LRRC66: variants seen among roughly 807,000 people sequenced by gnomAD.
LRRC66 encodes leucine-rich repeat-containing protein 66.
In LRRC66, 29 loss-of-function variants were observed where a neutral mutation model predicts 24.6. That is an observed-to-expected ratio of 1.18 (90% CI 0.88 to 1.61). The LOEUF (loss-of-function observed/expected upper bound fraction) is 1.61, where lower values mean the gene tolerates loss of function less well. Ranked by LOEUF, LRRC66 falls within the 40% of genes most tolerant of loss-of-function variation. The pLI is 0.00. For missense variants in LRRC66, 1,124 were observed against 1,058.0 expected, an observed-to-expected ratio of 1.06 and a Z score of -0.87; for synonymous variants, 411 against 397.6, an observed-to-expected ratio of 1.03 and a Z score of -0.40.
intron 1 of LRRC66, among the ~76,000 whole-genome samples, chr4:52,020,004 C>G (rs225162): frequency 0.58 from 87,270 of 151,706 alleles, 28,159 homozygotes; most frequent in Middle Eastern, 0.78. Context: ...AGGAACCACT[C>G]AGAACTCCAG....
Position 51,994,941 on chromosome 4 carries a change from T to C in LRRC66, c.2081A>G (p.Asp694Gly). The C allele has an allele frequency of 6.2e-7, 1 of 1,614,104 alleles. No homozygotes were observed. Among genetic ancestry groups the C allele is most frequent in the South Asian group, 1.1e-5 (1 of 91,082 alleles). ...KEPVQKSTPS[D>G]TCCELESDCD... Reference sequence around the variant, plus strand: ...GTCACTCTCCAACTCACAGCAAGTGTCAGAAGGAGTGGATTTCTGCACTGG... The same window carrying C: ...GTCACTCTCCAACTCACAGCAAGTGCCAGAAGGAGTGGATTTCTGCACTGG... The change falls in exon 5 of 5, where the codon GAC (aspartate) becomes GGC (glycine). Residue 694 changes from aspartate to glycine, a missense_variant. Transcript: ENST00000682860.
Position 51,995,260 on chromosome 4 carries a change from G to C in LRRC66, c.1762C>G (p.Leu588Val), listed in dbSNP as rs771545446. 3 of 1,614,192 alleles carry C rather than the reference G, an allele frequency of 1.9e-6. No individual in the cohort carries two copies. Among genetic ancestry groups the C allele is most frequent in the Non-Finnish European group, 2.5e-6 (3 of 1,180,036 alleles). Residue 588 changes from leucine to valine, a missense_variant, in exon 5 of 5, where the codon CTC (leucine) becomes GTC (valine). Leu to Val is a conservative substitution (Grantham distance 32). Coordinates refer to ENST00000682860, the MANE Select transcript of LRRC66 (RefSeq NM_001024611.3). ...PSLSGEITASLCKMLTHAEAQ... is the reference protein window; with the variant it reads ...PSLSGEITASVCKMLTHAEAQ... ...TCTGCATGTGTTAGCATTTTACAGA[G>C]GGAAGCTGTTATTTCTCCGGAGAGG...
At position 51,995,314 on chromosome 4, in the gene LRRC66, G is replaced by A; in HGVS notation, c.1708C>T (p.Arg570Cys). 1.9e-6 allele frequency: 3 copies of A among 1,614,152 alleles called. No individual in the cohort carries two copies. Among genetic ancestry groups the A allele is most frequent in the East Asian group, 4.5e-5 (2 of 44,870 alleles). ...GGGTCTAATTCATTGGAATCATAAC[G>A]GCTTGAGCCAGAGACAGCGTGAGAC... ...GTSHAVSGSS[R>C]YDSNELDPSL... The change falls in exon 5 of 5, where the codon CGT (arginine) becomes TGT (cysteine). Residue 570 changes from arginine (R) to cysteine (C), a missense_variant. By Grantham distance (180) the Arg-to-Cys change is radical. Transcript: ENST00000682860.
Position 52,017,601 on chromosome 4 carries a change from A to G in LRRC66, c.13T>C (p.Tyr5His), listed in dbSNP as rs757646533. 2.6e-5 allele frequency: 40 copies of G among 1,559,466 alleles called. No individual in the cohort carries two copies. The highest frequency in any genetic ancestry group is 3.4e-5 in the Non-Finnish European group (39 of 1,160,998). The change falls in exon 2 of 5, where the codon TAT (tyrosine) becomes CAT (histidine). Residue 5 changes from tyrosine (Y) to histidine (H), a missense_variant. Coordinates refer to ENST00000682860, the MANE Select transcript of LRRC66 (RefSeq NM_001024611.3). ...ATAACTATGGTAATGACTCTGAAAT[A>G]GAGGTTTTTCATAATGCCTGGAAAA... is the stretch of plus-strand genomic sequence containing the variant. Reference protein sequence around the residue: MKNLYFRVITIVIGL... With the variant: MKNLHFRVITIVIGL...
At chr4:52,001,140 A>G (rs1188695630) in intron 3 of LRRC66, among the ~76,000 whole-genome samples, 1 of 152,250 alleles carries the variant, frequency 6.6e-6, no homozygotes, top group Non-Finnish European at 1.5e-5. Flanking sequence ...GGACACAGGC[A>G]TTAACAACTA....
Position 52,017,416 on chromosome 4 carries a change from A to G in LRRC66, c.198T>C (p.Asp66=), listed in dbSNP as rs1421152322. 6.2e-7 allele frequency: 1 copy of G among 1,614,160 alleles called. No individual in the cohort carries two copies. The highest frequency in any genetic ancestry group is 1.1e-5 in the South Asian group (1 of 91,080). The change falls in exon 2 of 5, where the codon GAT becomes GAC. Residue 66 remains aspartate, a synonymous_variant. Coordinates refer to ENST00000682860, the MANE Select transcript of LRRC66 (RefSeq NM_001024611.3). ...VDISQTAATV[D]VSFNFFRVLL... ...GAACTCTAAAGAAATTGAAACTTAC[A>G]TCCACAGTGGCTGCTGTCTGTGATA...
intron 2 of LRRC66, among the ~76,000 whole-genome samples, chr4:52,011,959 C>A (rs994289205): frequency 4.6e-5 from 7 of 151,926 alleles, no homozygotes; most frequent in Admixed American, 2.0e-4. Flanking sequence ...CTGAGGCAGG[C>A]GGATCACTTG....
At chr4:52,006,378 A>G (rs1736585990) in intron 2 of LRRC66, among the ~76,000 whole-genome samples, 1 of 152,116 alleles carries the variant, frequency 6.6e-6, no homozygotes, top group Non-Finnish European at 1.5e-5. Context: ...GCCATAAAAA[A>G]TGATGAGTTC....
rs575824194 is a variant in LRRC66 at position 51,993,966 on chromosome 4, T to G, written c.*413A>C. ...CATCAGATTGCTCCAGGTCTGTATT[T>G]GAGAAGGAAAGTTAGAACCACTTCG... On this transcript the variant is annotated 3_prime_UTR_variant, in exon 5 of 5. Transcript: ENST00000682860. 23 of 163,026 alleles carry G rather than the reference T, an allele frequency of 1.4e-4. No individual in the cohort carries two copies. The highest frequency in any genetic ancestry group is 2.4e-4 in the Non-Finnish European group (18 of 75,212). 10.1% of individuals were successfully genotyped at this position (163,026 alleles called of 1,614,324 possible). A position where few individuals can be genotyped will look rare whatever the true frequency, so the allele number is the denominator to read the frequency against.
Position 51,995,088 on chromosome 4 carries a change from G to T in LRRC66, c.1934C>A (p.Ala645Asp), listed in dbSNP as rs1273948916. Reference protein sequence around the residue: ...IQQPRLSGARAEEALSAHYSE... With the variant: ...IQQPRLSGARDEEALSAHYSE... ...GTAGTGGGCTGAAAGCGCTTCCTCA[G>T]CCCTTGCCCCGGACAGCCTTGGCTG... is the stretch of plus-strand genomic sequence containing the variant. Residue 645 changes from alanine (A) to aspartate (D), a missense_variant, in exon 5 of 5, where the codon GCT becomes GAT. Transcript: ENST00000682860. The T allele has an allele frequency of 3.1e-6, 5 of 1,614,084 alleles. No individual in the cohort carries two copies. The African/African-American group carries it at 6.7e-5, about 22-fold the overall frequency.
intron 1 of LRRC66, among the ~76,000 whole-genome samples, chr4:52,020,030 A>G (rs1736908157): frequency 1.3e-5 from 2 of 152,162 alleles, no homozygotes; most frequent in African/African-American, 4.8e-5. Context: ...GTTGCTTAGA[A>G]AACTGGAAAC....
chr4:52,020,062 CA>C (rs779649602), intron 1 of LRRC66, among the ~76,000 whole-genome samples: 49 of 151,748 alleles, frequency 3.2e-4, no homozygotes, highest in Non-Finnish European at 6.3e-4. Context: ...ATGTAAATTT[CA>C]AAATGGAAAT....
chr4:52,004,824 G>A (rs1038472265), intron 2 of LRRC66, among the ~76,000 whole-genome samples: 2 of 152,208 alleles, frequency 1.3e-5, no homozygotes, highest in African/African-American at 2.4e-5. Flanking sequence ...GCAAGAGATC[G>A]TCAGGACGAC....
chr4:52,019,900 C>T (rs1265412060), intron 1 of LRRC66, among the ~76,000 whole-genome samples: 1 of 151,888 alleles, frequency 6.6e-6, no homozygotes, highest in Non-Finnish European at 1.5e-5. Context: ...GGTTTGAGTT[C>T]AAAACAGCTA....
chr4:51,997,808 G>C lies in LRRC66; in HGVS notation c.796C>G (p.Gln266Glu). 2 of 1,613,998 alleles carry C rather than the reference G, an allele frequency of 1.2e-6. No individual in the cohort carries two copies. Residue 266 changes from glutamine to glutamate, a missense_variant, in exon 4 of 5, where the codon CAA (glutamine) becomes GAA (glutamate). Transcript: ENST00000682860. ...CTCCAGGATTCAGAAATAAAATTTT[G>C]AAAGACTGCCACACTATCATCACAC... ...WQCDDSVAVF[Q>E]NFISESWRKK...
chr4:52,004,727 TA>T (rs759070184), intron 2 of LRRC66, among the ~76,000 whole-genome samples: 13 of 152,222 alleles, frequency 8.5e-5, no homozygotes, highest in Non-Finnish European at 1.9e-4. Flanking sequence ...GTACTTATTG[TA>T]AGATTGATTA....
chr4:52,018,497 G>C (rs1273829686), intron 1 of LRRC66: 1 of 985,156 alleles, frequency 1.0e-6, no homozygotes, highest in Non-Finnish European at 1.2e-6. Context: ...CTTCCTTTCT[G>C]TTCTAATGGC....
chr4:52,017,109 T>C lies in LRRC66; in HGVS notation c.496+9A>G, dbSNP rs931699079. On this transcript the variant is annotated intron_variant, in intron 2 of 4. Transcript: ENST00000682860. Reference sequence around the variant, plus strand: ...CATTGTTTCTCTGCCTAGTTAAAATTGTACTCACCCTTGGGAGTGTCACTG... The same window carrying C: ...CATTGTTTCTCTGCCTAGTTAAAATCGTACTCACCCTTGGGAGTGTCACTG... 2 of 1,589,504 alleles carry C rather than the reference T, an allele frequency of 1.3e-6. No homozygotes were observed.
chr4:52,014,826 C>T (rs1736775233), intron 2 of LRRC66, among the ~76,000 whole-genome samples: 1 of 152,200 alleles, frequency 6.6e-6, no homozygotes, highest in Non-Finnish European at 1.5e-5. Flanking sequence ...CACCGTCTAT[C>T]TCTTTTCATT....
Sources: allele counts gnomAD v4.1 joint callset (sites outside exome capture counted in the v4.1 genomes callset), GRCh38; gene constraint gnomAD v4.1.1; transcripts MANE v1.5; gene names NCBI Gene and HGNC (gene_info 2026-07-23, HGNC 2026-07-21).